Variants in FAM204A observed in about 807,000 individuals in gnomAD.
FAM204A encodes the protein protein FAM204A.
A neutral mutation model predicts 35.4 loss-of-function variants in FAM204A; 16 were observed. That is an observed-to-expected ratio of 0.45 (90% CI 0.31 to 0.69). The LOEUF (loss-of-function observed/expected upper bound fraction) is 0.69. Ranked by LOEUF, FAM204A falls within the 30% of genes least tolerant of loss-of-function variation. FAM204A has a pLI of 0.07. For synonymous variants in FAM204A, 76 were observed against 86.9 expected, an observed-to-expected ratio of 0.88 and a Z score of 0.70; for missense variants, 240 against 265.7, an observed-to-expected ratio of 0.90 and a Z score of 0.67.
In FAM204A at chr10:118,303,212, T is replaced by C. The variant is rs1845827944; in HGVS notation, c.*7645A>G. ...TTAGAGGAATAGTGCAAGAGCACTGTATGGGAAGAGTAATGAAAGAAGAAT... is the reference window on the plus strand; with the variant it reads ...TTAGAGGAATAGTGCAAGAGCACTGCATGGGAAGAGTAATGAAAGAAGAAT... On this transcript the variant is annotated 3_prime_UTR_variant, in exon 9 of 9. Transcript: ENST00000369183. 6.6e-6 allele frequency: 1 copy of C among 152,216 alleles called. No individual in the cohort carries two copies. Among genetic ancestry groups the C allele is most frequent in the African/African-American group, 2.4e-5 (1 of 41,454 alleles). 9.4% of individuals were successfully genotyped at this position (152,216 alleles called of 1,614,324 possible). A position where few individuals can be genotyped will look rare whatever the true frequency, so the allele number is the denominator to read the frequency against.
intron 7 of FAM204A, 22 bp downstream of exon 7, chr10:118,326,132 A>G: frequency 1.3e-6 from 2 of 1,578,018 alleles, no homozygotes; most frequent in Non-Finnish European, 1.7e-6. Flanking sequence ...AATACAGAAA[A>G]TGTGTAACCC....
At chr10:118,321,041 T>C (rs2133275198) in intron 7 of FAM204A, among the ~76,000 whole-genome samples, 1 of 151,970 alleles carries the variant, frequency 6.6e-6, no homozygotes, top group Middle Eastern at 3.4e-3. Flanking sequence ...TTAGTTTCAC[T>C]TATTATGGTT....
Position 118,309,764 on chromosome 10 carries a change from G to A in FAM204A, c.*1093C>T, listed in dbSNP as rs1845918212. On this transcript the variant is annotated 3_prime_UTR_variant, in exon 9 of 9. Transcript: ENST00000369183. ...CAAATCAGTTCTTAGAAGGTTCAAA[G>A]TTATATTATCTTGAGTTATAATTGT... 1 of 152,118 alleles carries A rather than the reference G, an allele frequency of 6.6e-6. No homozygotes were observed. The highest frequency in any genetic ancestry group is 2.4e-5 in the African/African-American group (1 of 41,432). 9.4% of individuals were successfully genotyped at this position (152,118 alleles called of 1,614,324 possible).
intron 7 of FAM204A, among the ~76,000 whole-genome samples, chr10:118,318,718 A>G (rs1846067334): frequency 6.6e-6 from 1 of 152,078 alleles, no homozygotes; most frequent in Non-Finnish European, 1.5e-5. Context: ...TCTGGATTAC[A>G]GAATAAAGAT....
chr10:118,341,243 T>C (rs1444488087), intron 2 of FAM204A, among the ~76,000 whole-genome samples: 3 of 152,192 alleles, frequency 2.0e-5, no homozygotes, highest in Non-Finnish European at 2.9e-5. Context: ...ATTTTCATCG[T>C]ATAAGGCTGT....
intron 7 of FAM204A, among the ~76,000 whole-genome samples, chr10:118,324,532 T>C (rs998669421): frequency 6.6e-6 from 1 of 152,160 alleles, no homozygotes; most frequent in Non-Finnish European, 1.5e-5. Flanking sequence ...TTCTGACACA[T>C]GCTGCAGCAA....
intron 7 of FAM204A, chr10:118,322,401 C>G: frequency 2.2e-6 from 1 of 455,834 alleles, no homozygotes; most frequent in Non-Finnish European, 4.4e-6. Context: ...AACATTACTC[C>G]CATGATTTTC....
At chr10:118,337,314 C>T (rs1429841520) in intron 2 of FAM204A, 4 of 757,488 alleles carry the variant, frequency 5.3e-6, no homozygotes, top group East Asian at 2.6e-4. Context: ...ATAGAGAAGC[C>T]GGTTGTACTG....
chr10:118,319,010 A>G (rs909466238), intron 7 of FAM204A, among the ~76,000 whole-genome samples: 2 of 151,928 alleles, frequency 1.3e-5, no homozygotes, highest in Non-Finnish European at 2.9e-5. Context: ...AAAACTAATA[A>G]CTGAAATGAA....
At chr10:118,314,830 C>A (rs930256769) in intron 7 of FAM204A, among the ~76,000 whole-genome samples, 1 of 152,078 alleles carries the variant, frequency 6.6e-6, no homozygotes, top group Admixed American at 6.6e-5. Flanking sequence ...TATTTTGCTG[C>A]ATTTTAATTA....
chr10:118,316,406 C>T (rs998816978), intron 7 of FAM204A, among the ~76,000 whole-genome samples: 1 of 152,118 alleles, frequency 6.6e-6, no homozygotes. Flanking sequence ...CATGGTCACA[C>T]CTGAGATGCC....
At chr10:118,334,696 G>A (rs1409283840) in intron 6 of FAM204A, among the ~76,000 whole-genome samples, 2 of 152,136 alleles carry the variant, frequency 1.3e-5, no homozygotes, top group African/African-American at 4.8e-5. Flanking sequence ...ATCATATAGT[G>A]GGCTACCCTC....
chr10:118,327,334 G>A (rs577212466), intron 6 of FAM204A, among the ~76,000 whole-genome samples: 2 of 152,274 alleles, frequency 1.3e-5, no homozygotes, highest in South Asian at 4.1e-4. Context: ...GCCTAAAAAG[G>A]TTACAGAAAT....
At position 118,335,613 on chromosome 10, in the gene FAM204A, G is replaced by C; in HGVS notation, c.263C>G (p.Ser88Cys). The change falls in exon 4 of 9, where the codon TCT (serine) becomes TGT (cysteine). Residue 88 changes from serine to cysteine, a missense_variant. Physicochemically the swap from Ser to Cys is moderately radical, Grantham distance 112. Transcript: ENST00000369183. ...TCTTGAGGTTGTGCTTTTCTGTTCA[G>C]AATGTTTTTTATGCAATTCTTGAAA... ...NKFQELHKKH[S>C]EQKSTTSRFR... 1 of 1,608,338 alleles carries C rather than the reference G, an allele frequency of 6.2e-7. No homozygotes were observed. The highest frequency in any genetic ancestry group is 1.1e-5 in the South Asian group (1 of 88,986).
At chr10:118,319,244 A>G (rs1324534474) in intron 7 of FAM204A, among the ~76,000 whole-genome samples, 1 of 152,020 alleles carries the variant, frequency 6.6e-6, no homozygotes, top group Middle Eastern at 3.2e-3. Flanking sequence ...CAATTGCTTT[A>G]CAGAGCTTAG....
chr10:118,308,177 TAA>T lies in FAM204A; in HGVS notation c.*2678_*2679del, dbSNP rs1175903395. 1 of 152,192 alleles carries T rather than the reference TAA, an allele frequency of 6.6e-6. No homozygotes were observed. The highest frequency in any genetic ancestry group is 1.5e-5 in the Non-Finnish European group (1 of 68,032). The allele number at this position is 152,192 out of a possible 1,614,324, so 9.4% of individuals were successfully genotyped here. A position where few individuals can be genotyped will look rare whatever the true frequency, so the allele number is the denominator to read the frequency against. On this transcript the variant is annotated 3_prime_UTR_variant, in exon 9 of 9. Transcript: ENST00000369183. ...GTAAGATGTTTTAGCCTAAAGTACTTAAATAGTAAATCATAGTTACATTAATG... is the reference window on the plus strand; with the variant it reads ...GTAAGATGTTTTAGCCTAAAGTACTTATAGTAAATCATAGTTACATTAATG...
chr10:118,338,834 G>A (rs1846427894), intron 2 of FAM204A, among the ~76,000 whole-genome samples: 1 of 152,172 alleles, frequency 6.6e-6, no homozygotes, highest in African/African-American at 2.4e-5. Flanking sequence ...CTGGGAAGCA[G>A]TCTCAGTTGC....
rs1845920011 is a variant in FAM204A, at chr10:118,309,877, C to CAAAA, written c.*979_*980insTTTT. Reference sequence around the variant, plus strand: ...TGGCTGAGAAAAATACTTAGGAAGACATTTTTAGGCGTTGCTGAATTTAAA... The same window carrying CAAAA: ...TGGCTGAGAAAAATACTTAGGAAGACAAAAATTTTTAGGCGTTGCTGAATTTAAA... On this transcript the variant is annotated 3_prime_UTR_variant, in exon 9 of 9. Coordinates refer to ENST00000369183, the MANE Select transcript of FAM204A (RefSeq NM_022063.3). 6.6e-6 allele frequency: 1 copy of CAAAA among 152,270 alleles called. No homozygotes were observed. The highest frequency in any genetic ancestry group is 1.9e-4 in the East Asian group (1 of 5,178). 9.4% of individuals were successfully genotyped at this position (152,270 alleles called of 1,614,324 possible). A position where few individuals can be genotyped will look rare whatever the true frequency, so the allele number is the denominator to read the frequency against.
intron 6 of FAM204A, among the ~76,000 whole-genome samples, chr10:118,326,576 C>T (rs563170118): frequency 6.6e-6 from 1 of 152,308 alleles, no homozygotes; most frequent in Admixed American, 6.5e-5. Flanking sequence ...GTGGCAGATT[C>T]TGGGCTTAAT....
Sources: gnomAD v4.1 joint callset for allele counts (sites outside exome capture counted in the v4.1 genomes callset) on GRCh38, gnomAD v4.1.1 for gene constraint, MANE v1.5 for transcripts, NCBI Gene and HGNC (gene_info 2026-07-23, HGNC 2026-07-21) for gene names.